The following CTIF variants were observed in gnomAD, a reference collection of about 807,000 sequenced individuals.
CTIF encodes the protein CBP80/20-dependent translation initiation factor.
CTIF carries 21 observed loss-of-function variants against 66.0 expected under a neutral mutation model. The observed-to-expected ratio is 0.32, with a 90% CI of 0.23 to 0.46. CTIF has a LOEUF of 0.46. Ranked by LOEUF, CTIF falls within the 20% of genes least tolerant of loss-of-function variation. The pLI is 1.00. For synonymous variants in CTIF, 345 were observed against 326.4 expected (o/e 1.06, Z -0.62); for missense variants, 739 against 812.7 (o/e 0.91, Z 1.10).
At chr18:48,712,033 C>G (rs543314500) in intron 7 of CTIF, among the ~76,000 whole-genome samples, 1 of 152,244 alleles carries the variant, frequency 6.6e-6, no homozygotes, top group South Asian at 2.1e-4. Context: ...AATAGTGGTC[C>G]TCAGAAAATA....
At chr18:48,745,755 G>A (rs1018946456) in intron 7 of CTIF, among the ~76,000 whole-genome samples, 2 of 152,210 alleles carry the variant, frequency 1.3e-5, no homozygotes, top group Admixed American at 6.5e-5. Flanking sequence ...TTGTATTTTG[G>A]AAGGTTCTAG....
Position 48,616,605 on chromosome 18 carries a change from A to G in CTIF, c.-28-2933A>G, listed in dbSNP as rs559344521. Among the ~76,000 whole-genome samples the G allele has an allele frequency of 4.7e-4, 71 of 152,346 alleles. 1 individual carries two copies. In the South Asian group the frequency reaches 0.015, roughly 31 times the overall value. On this transcript the variant is annotated intron_variant, in intron 1 of 11. Coordinates refer to ENST00000256413, the MANE Select transcript of CTIF (RefSeq NM_014772.3). ...ACCTCCGTTTTCTCTTCTAAGTAGC[A>G]TAATTATGCCGATTCCATAGGGTTG...
intron 10 of CTIF, among the ~76,000 whole-genome samples, chr18:48,847,392 G>A (rs1416734390): frequency 1.3e-5 from 2 of 152,004 alleles, no homozygotes; most frequent in Non-Finnish European, 2.9e-5. Context: ...TTCCGTAAAG[G>A]AGAGAGCACA....
chr18:48,653,296 T>C (rs2091189722), intron 3 of CTIF, among the ~76,000 whole-genome samples: 1 of 152,196 alleles, frequency 6.6e-6, no homozygotes, highest in Non-Finnish European at 1.5e-5. Context: ...GGATACAAAA[T>C]CAATGTGCAA....
At chr18:48,669,077 T>C (rs551195889) in intron 5 of CTIF, among the ~76,000 whole-genome samples, 46 of 152,294 alleles carry the variant, frequency 3.0e-4, no homozygotes, top group African/African-American at 1.1e-3. Flanking sequence ...CATAGGACTT[T>C]TATGACACCG....
intron 10 of CTIF, among the ~76,000 whole-genome samples, chr18:48,840,747 T>C (rs1418143443): frequency 6.6e-6 from 1 of 152,032 alleles, no homozygotes; most frequent in Non-Finnish European, 1.5e-5. Flanking sequence ...GGCCCAGCTG[T>C]CCCTACCCAG....
chr18:48,687,195 G>A (rs2091853821), intron 6 of CTIF, among the ~76,000 whole-genome samples: 1 of 152,006 alleles, frequency 6.6e-6, no homozygotes, highest in Non-Finnish European at 1.5e-5. Context: ...ACTGGCTTGT[G>A]GCTGAGCCCT....
At chr18:48,705,699 A>G (rs910596794) in intron 6 of CTIF, among the ~76,000 whole-genome samples, 2 of 152,244 alleles carry the variant, frequency 1.3e-5, no homozygotes, top group African/African-American at 4.8e-5. Flanking sequence ...GGCCCAGCCC[A>G]ACTCCCGGCA....
intron 1 of CTIF, among the ~76,000 whole-genome samples, chr18:48,577,369 C>T (rs1398809047): frequency 2.0e-5 from 3 of 152,180 alleles, no homozygotes; most frequent in Non-Finnish European, 2.9e-5. Context: ...GTTCCTTCCC[C>T]GGCTTCTCTC....
At chr18:48,570,486 C>A (rs987345547) in intron 1 of CTIF, among the ~76,000 whole-genome samples, 1 of 152,216 alleles carries the variant, frequency 6.6e-6, no homozygotes, top group African/African-American at 2.4e-5. Context: ...TTAGTCCCTG[C>A]CCTGGCGTGA....
At chr18:48,773,159 C>G (rs1910337324) in intron 9 of CTIF, among the ~76,000 whole-genome samples, 1 of 152,070 alleles carries the variant, frequency 6.6e-6, no homozygotes, top group South Asian at 2.1e-4. Flanking sequence ...CCAGTGTAGA[C>G]TTGCAGGAAG....
Position 48,761,410 on chromosome 18 carries a change from G to C in CTIF, c.1092G>C (p.Thr364=). ...LKEKDEVAVE[T]TTPQQNKMDK... ...CCCAGGATGAAGTGGCCGTGGAGAC[G>C]ACCACTCCCCAGCAGAACAAGATGG... Residue 364 remains threonine, a synonymous_variant, in exon 9 of 12, where the codon ACG becomes ACC. Transcript: ENST00000256413. The surrounding 1 kb of genome is among the most constrained non-coding windows in gnomAD (Gnocchi z 4.2). The C allele has an allele frequency of 6.2e-7, 1 of 1,613,436 alleles. No homozygotes were observed. The highest frequency in any genetic ancestry group is 8.5e-7 in the Non-Finnish European group (1 of 1,179,724).
intron 5 of CTIF, among the ~76,000 whole-genome samples, chr18:48,669,416 C>T (rs928368323): frequency 3.3e-5 from 5 of 151,838 alleles, no homozygotes; most frequent in Non-Finnish European, 7.4e-5. Flanking sequence ...TAAGTGTTTG[C>T]CTCATTTATT....
At chr18:48,604,954 A>G (rs1366956855) in intron 1 of CTIF, among the ~76,000 whole-genome samples, 1 of 152,214 alleles carries the variant, frequency 6.6e-6, no homozygotes, top group Non-Finnish European at 1.5e-5. Flanking sequence ...GTGGATCAGT[A>G]CTTTATTCCT....
intron 1 of CTIF, among the ~76,000 whole-genome samples, chr18:48,601,313 C>A (rs1035683973): frequency 2.6e-5 from 4 of 152,188 alleles, no homozygotes; most frequent in African/African-American, 4.8e-5. Flanking sequence ...ATGTACTGAC[C>A]GCATGTTTAG....
chr18:48,684,137 T>C (rs1236439579), intron 6 of CTIF, among the ~76,000 whole-genome samples: 2 of 152,164 alleles, frequency 1.3e-5, no homozygotes, highest in East Asian at 3.8e-4. Flanking sequence ...ATCTCCAACG[T>C]AGTATAATGT....
At chr18:48,600,984 A>G (rs1156324895) in intron 1 of CTIF, among the ~76,000 whole-genome samples, 1 of 152,128 alleles carries the variant, frequency 6.6e-6, no homozygotes, top group African/African-American at 2.4e-5. Context: ...AGCCACGTAG[A>G]CACTGTGTTT....
At chr18:48,682,019 C>T (rs554456269) in intron 6 of CTIF, among the ~76,000 whole-genome samples, 2 of 152,196 alleles carry the variant, frequency 1.3e-5, no homozygotes, top group East Asian at 3.9e-4. Flanking sequence ...CTCCTGAGCT[C>T]AGGTGATCCA....
chr18:48,581,656 C>T (rs2089660392), intron 1 of CTIF, among the ~76,000 whole-genome samples: 1 of 152,154 alleles, frequency 6.6e-6, no homozygotes, highest in African/African-American at 2.4e-5. Flanking sequence ...GTCGGGCAGC[C>T]AGTGACCCCT....
Sources: allele counts gnomAD v4.1 joint callset (sites outside exome capture counted in the v4.1 genomes callset), GRCh38; gene constraint gnomAD v4.1.1; non-coding constraint Gnocchi (gnomAD v3.1); transcripts MANE v1.5; gene names NCBI Gene and HGNC (gene_info 2026-07-23, HGNC 2026-07-21).